Variants in PDSS2 observed in about 807,000 individuals in gnomAD.
The protein encoded by PDSS2 is all trans-polyprenyl-diphosphate synthase PDSS2.
A neutral mutation model predicts 44.5 loss-of-function variants in PDSS2; 31 were observed. The ratio of observed to expected loss-of-function variants is 0.70; its 90% confidence interval spans 0.52 to 0.94. PDSS2 has a LOEUF of 0.94. Ranked by LOEUF, PDSS2 falls within the 40% of genes least tolerant of loss-of-function variation. The pLI is 0.00. For missense variants in PDSS2, 452 were observed against 482.2 expected (o/e 0.94, Z 0.59); for synonymous variants, 157 against 180.3 (o/e 0.87, Z 1.03).
intron 2 of PDSS2, among the ~76,000 whole-genome samples, chr6:107,288,527 T>C (rs1300620727): frequency 6.6e-6 from 1 of 152,122 alleles, no homozygotes; most frequent in African/African-American, 2.4e-5. Flanking sequence ...TTTAATAGAC[T>C]TTTTTATTTT....
chr6:107,425,390 T>C (rs1406735196), intron 1 of PDSS2, among the ~76,000 whole-genome samples: 1 of 152,124 alleles, frequency 6.6e-6, no homozygotes, highest in African/African-American at 2.4e-5. Flanking sequence ...TTGACAAAAA[T>C]GCTGACAGTG....
intron 1 of PDSS2, among the ~76,000 whole-genome samples, chr6:107,350,882 AAAAAC>A (rs937651498): frequency 2.8e-4 from 43 of 152,204 alleles, no homozygotes; most frequent in African/African-American, 1.0e-3. Context: ...TGGGGGAAAA[AAAAAC>A]AAAACAGTTC....
At chr6:107,348,480 A>G (rs1412556397) in intron 1 of PDSS2, among the ~76,000 whole-genome samples, 2 of 152,260 alleles carry the variant, frequency 1.3e-5, no homozygotes, top group African/African-American at 4.8e-5. Flanking sequence ...CTCAGGAGTG[A>G]AACAAACAGG....
At chr6:107,364,432 C>A (rs1371570687) in intron 1 of PDSS2, among the ~76,000 whole-genome samples, 1 of 152,236 alleles carries the variant, frequency 6.6e-6, no homozygotes, top group Non-Finnish European at 1.5e-5. Context: ...AGCACAGCGC[C>A]AGTGGGCCGG....
chr6:107,422,685 G>C (rs906764144), intron 1 of PDSS2, among the ~76,000 whole-genome samples: 7 of 151,920 alleles, frequency 4.6e-5, no homozygotes, highest in Admixed American at 4.6e-4. Flanking sequence ...TGTTGAGAGA[G>C]AAAAGTAACA....
chr6:107,351,069 G>C (rs1211613190), intron 1 of PDSS2, among the ~76,000 whole-genome samples: 1 of 150,690 alleles, frequency 6.6e-6, no homozygotes. Flanking sequence ...CACATTAAAA[G>C]TAAAAAAAAA....
intron 4 of PDSS2, among the ~76,000 whole-genome samples, chr6:107,217,160 C>A (rs1582800420): frequency 6.6e-6 from 1 of 152,208 alleles, no homozygotes; most frequent in South Asian, 2.1e-4. Flanking sequence ...CTATCACAGA[C>A]AAACGGCGAA....
chr6:107,227,278 CTTTTTTTTTTTTTT>C (rs60988844), intron 4 of PDSS2, among the ~76,000 whole-genome samples: 7 of 102,818 alleles, frequency 6.8e-5, no homozygotes, highest in South Asian at 6.0e-4. Flanking sequence ...CCACTGTGCC[CTTTTTTTTTTTTTT>C]TTTTTTTTTT....
At chr6:107,335,224 CCT>C (rs1777848562) in intron 1 of PDSS2, among the ~76,000 whole-genome samples, 1 of 151,678 alleles carries the variant, frequency 6.6e-6, no homozygotes, top group Non-Finnish European at 1.5e-5. Flanking sequence ...TTTGCTCTCT[CCT>C]CTTTCTGGGT....
intron 4 of PDSS2, among the ~76,000 whole-genome samples, chr6:107,219,921 A>G (rs1435614885): frequency 1.3e-5 from 2 of 152,256 alleles, no homozygotes; most frequent in Admixed American, 6.5e-5. Flanking sequence ...ATATAATGAC[A>G]TGCTATTCAG....
intron 2 of PDSS2, among the ~76,000 whole-genome samples, chr6:107,276,503 G>A (rs943827643): frequency 1.2e-4 from 19 of 152,184 alleles, no homozygotes; most frequent in Non-Finnish European, 2.6e-4. Flanking sequence ...TCCATATCGA[G>A]ACCTAACAGA....
chr6:107,206,534 T>A (rs1305533781), intron 6 of PDSS2, among the ~76,000 whole-genome samples: 1 of 152,184 alleles, frequency 6.6e-6, no homozygotes, highest in Non-Finnish European at 1.5e-5. Flanking sequence ...TGTGATTAAG[T>A]TTACTTAGAT....
intron 1 of PDSS2, 68 bp downstream of exon 1, chr6:107,458,922 C>A: frequency 7.1e-7 from 1 of 1,400,432 alleles, no homozygotes; most frequent in Non-Finnish European, 1.0e-6. Flanking sequence ...AGCTAGAATG[C>A]GTATGCCCGC....
At chr6:107,333,799 G>A (rs1427423232) in intron 2 of PDSS2, among the ~76,000 whole-genome samples, 1 of 152,154 alleles carries the variant, frequency 6.6e-6, no homozygotes, top group Non-Finnish European at 1.5e-5. Context: ...GCCTCCTAAA[G>A]TGCTAGAATT....
chr6:107,166,225 G>T (rs1173477365), intron 7 of PDSS2, among the ~76,000 whole-genome samples: 5 of 152,026 alleles, frequency 3.3e-5, no homozygotes, highest in Non-Finnish European at 5.9e-5. Flanking sequence ...GGTGAGAGAG[G>T]GCATCCCTGT....
At chr6:107,238,396 C>T (rs899882716) in intron 4 of PDSS2, among the ~76,000 whole-genome samples, 2 of 152,268 alleles carry the variant, frequency 1.3e-5, no homozygotes, top group African/African-American at 2.4e-5. Context: ...ATCGTAATGA[C>T]TTTTTTACAG....
chr6:107,437,757 T>C (rs1301468104), intron 1 of PDSS2, among the ~76,000 whole-genome samples: 1 of 152,136 alleles, frequency 6.6e-6, no homozygotes, highest in African/African-American at 2.4e-5. Context: ...AGTAGATAGA[T>C]CTGCACAGTT....
intron 4 of PDSS2, among the ~76,000 whole-genome samples, chr6:107,222,141 T>C (rs1255318574): frequency 6.6e-6 from 1 of 152,048 alleles, no homozygotes; most frequent in Non-Finnish European, 1.5e-5. Flanking sequence ...TTTTCAATTA[T>C]TTTGAGAAAC....
chr6:107,258,303 A>G (rs969683021), intron 3 of PDSS2, among the ~76,000 whole-genome samples: 5 of 151,986 alleles, frequency 3.3e-5, no homozygotes, highest in Admixed American at 2.0e-4. Flanking sequence ...GATTATAATC[A>G]TTTTGTTTTT....
Sources: allele counts gnomAD v4.1 joint callset (sites outside exome capture counted in the v4.1 genomes callset), GRCh38; gene constraint gnomAD v4.1.1; transcripts MANE v1.5; gene names NCBI Gene and HGNC (gene_info 2026-07-23, HGNC 2026-07-21).